Variants in USP40 observed in about 807,000 individuals in gnomAD.
The protein encoded by USP40 is ubiquitin specific peptidase 40, also known as ubiquitin carboxyl-terminal hydrolase 40.
A neutral mutation model predicts 166.2 loss-of-function variants in USP40; 143 were observed. The observed-to-expected ratio is 0.86, with a 90% CI of 0.75 to 0.99. The LOEUF (loss-of-function observed/expected upper bound fraction) is 0.99, where lower values mean the gene tolerates loss of function less well. USP40 is among the 50% of genes least tolerant of loss of function. The pLI is 0.00. For synonymous variants in USP40, 498 were observed against 524.0 expected, an observed-to-expected ratio of 0.95 and a Z score of 0.68; for missense variants, 1,444 against 1,479.7, an observed-to-expected ratio of 0.98 and a Z score of 0.40.
chr2:233,540,895 A>T (rs545906294), intron 9 of USP40, 126 bp from the exon 10 acceptor site: 1 of 479,764 alleles, frequency 2.1e-6, no homozygotes, highest in Non-Finnish European at 3.5e-6. Context: ...ACGTAAGTTG[A>T]TTCCATCATA....
intron 4 of USP40, among the ~76,000 whole-genome samples, chr2:233,557,328 A>G (rs529592976): frequency 1.3e-5 from 2 of 152,372 alleles, no homozygotes; most frequent in East Asian, 3.9e-4. Context: ...GCAGAGAGGG[A>G]TATACCAGGC....
chr2:233,557,017 T>A lies in USP40; in HGVS notation c.384A>T (p.Glu128Asp). 6.2e-7 allele frequency: 1 copy of A among 1,609,046 alleles called. No individual in the cohort carries two copies. The highest frequency in any genetic ancestry group is 8.5e-7 in the Non-Finnish European group (1 of 1,178,568). Residue 128 changes from glutamate to aspartate, a missense_variant and splice_region_variant, in exon 5 of 32, where the codon GAA becomes GAT. By Grantham distance (45) the Glu-to-Asp change is conservative. Coordinates refer to ENST00000678225, the MANE Select transcript of USP40 (RefSeq NM_001365479.2). ...TDSFGWTSNE[E>D]MRQHDVQELN... ...GTTCCTGCACATCATGTTGCCTCAT[T>A]TCCTACAAAACAGGTAACTTTTAGA...
chr2:233,529,633 T>C (rs2068333555), intron 11 of USP40, 121 bp from the exon 12 acceptor site: 1 of 565,692 alleles, frequency 1.8e-6, no homozygotes, highest in Non-Finnish European at 3.0e-6. Context: ...TAATTAGCTG[T>C]GTGAATACGA....
rs1480083306 is a variant in USP40, at chr2:233,566,634, C to T, written c.-20+50G>A. On this transcript the variant is annotated intron_variant, in intron 1 of 31. Transcript: ENST00000678225. ...TCAGACTGGGCCACCAACACTGTCC[C>T]TACGCTTCCCACGTCCCTCCCAGGA... The T allele has an allele frequency of 4.1e-6, 4 of 964,546 alleles. No individual in the cohort carries two copies. In the East Asian group the frequency reaches 4.6e-4, roughly 110 times the overall value. 59.7% of individuals were successfully genotyped at this position (964,546 alleles called of 1,614,324 possible).
At chr2:233,507,623 A>G (rs1255159856) in intron 21 of USP40, among the ~76,000 whole-genome samples, 1 of 152,086 alleles carries the variant, frequency 6.6e-6, no homozygotes, top group Admixed American at 6.6e-5. Context: ...AATCTTAAAA[A>G]AAAAAAAAAA....
chr2:233,555,896 T>C (rs1225425073), intron 5 of USP40, among the ~76,000 whole-genome samples: 4 of 151,988 alleles, frequency 2.6e-5, no homozygotes, highest in South Asian at 4.2e-4. Context: ...GGGCAGATCA[T>C]GAGGTCAGGA....
At chr2:233,484,452 T>C (rs1425740280) in intron 30 of USP40, among the ~76,000 whole-genome samples, 2 of 152,030 alleles carry the variant, frequency 1.3e-5, no homozygotes, top group East Asian at 3.9e-4. Flanking sequence ...TAATCATTTA[T>C]CTGTGTAGTC....
chr2:233,482,582 G>GTT (rs1203339243), intron 30 of USP40, among the ~76,000 whole-genome samples: 9 of 136,998 alleles, frequency 6.6e-5, no homozygotes, highest in South Asian at 2.3e-4. Flanking sequence ...TCCCACTGGA[G>GTT]TTTTTTTTTT....
At chr2:233,477,977 G>A (rs940719346) in intron 31 of USP40, among the ~76,000 whole-genome samples, 1 of 152,216 alleles carries the variant, frequency 6.6e-6, no homozygotes, top group Non-Finnish European at 1.5e-5. Context: ...GACCCCCCCG[G>A]CCCATGGCAC....
At position 233,519,647 on chromosome 2, in the gene USP40, C is replaced by T. The variant is rs1182951453; in HGVS notation, c.2350G>A (p.Ala784Thr). The change falls in exon 18 of 32, where the codon GCC (alanine) becomes ACC (threonine). Residue 784 changes from alanine (A) to threonine (T), a missense_variant. Coordinates refer to ENST00000678225, the MANE Select transcript of USP40 (RefSeq NM_001365479.2). ...TTCATTAATTTTAATTCCTTTATGGCTTTAATTCGAATATCAAACACCATC... is the reference window on the plus strand; with the variant it reads ...TTCATTAATTTTAATTCCTTTATGGTTTTAATTCGAATATCAAACACCATC... ...NTMVFDIRIK[A>T]IKELKLMKEL... The T allele has an allele frequency of 7.0e-7, 1 of 1,430,130 alleles. No homozygotes were observed. Among genetic ancestry groups the T allele is most frequent in the Non-Finnish European group, 9.6e-7 (1 of 1,043,396 alleles). The allele number at this position is 1,430,130 out of a possible 1,614,324, so 88.6% of individuals were successfully genotyped here. A position where few individuals can be genotyped will look rare whatever the true frequency, so the allele number is the denominator to read the frequency against.
At chr2:233,498,710 C>A in intron 22 of USP40, 98 bp from the exon 23 acceptor site, 10 of 973,220 alleles carry the variant, frequency 1.0e-5, no homozygotes, top group Non-Finnish European at 1.6e-5. Flanking sequence ...AGCACCTTAA[C>A]TTCCTTTCCA....
At chr2:233,540,859 A>G in intron 9 of USP40, 90 bp from the exon 10 acceptor site, 1 of 799,080 alleles carries the variant, frequency 1.3e-6, no homozygotes, top group South Asian at 1.8e-5. Context: ...GATTATACCT[A>G]ATTAAATATG....
intron 5 of USP40, among the ~76,000 whole-genome samples, chr2:233,555,931 G>A (rs974017471): frequency 2.7e-4 from 41 of 151,734 alleles, no homozygotes; most frequent in Non-Finnish European, 4.4e-4. Flanking sequence ...TGGCTAACAT[G>A]GTGAAACCCC....
In USP40 at chr2:233,542,378, A is replaced by T. The variant is rs369886009; in HGVS notation, c.967-15T>A. ...CTTTTTTCCTCCTAGGAAGGAAAAC[A>T]GTATGAGTTTCTATCACTAACCCCT... On this transcript the variant is annotated splice_polypyrimidine_tract_variant and intron_variant, in intron 8 of 31. Coordinates refer to ENST00000678225, the MANE Select transcript of USP40 (RefSeq NM_001365479.2). 154 of 1,473,450 alleles carry T rather than the reference A, an allele frequency of 1.0e-4. 1 individual carries two copies. The highest frequency in any genetic ancestry group is 1.4e-4 in the Non-Finnish European group (150 of 1,083,838). The allele number at this position is 1,473,450 out of a possible 1,614,324, so 91.3% of individuals were successfully genotyped here. A position where few individuals can be genotyped will look rare whatever the true frequency, so the allele number is the denominator to read the frequency against.
chr2:233,550,946 T>A (rs76801830), intron 7 of USP40, among the ~76,000 whole-genome samples: 1,940 of 152,316 alleles, frequency 0.013, 39 homozygotes, highest in East Asian at 0.083. Flanking sequence ...AGGGTAAACT[T>A]CTAATTTTGT....
chr2:233,476,325 G>C lies in USP40; in HGVS notation c.*1067C>G, dbSNP rs975879748. On this transcript the variant is annotated 3_prime_UTR_variant, in exon 32 of 32. Coordinates refer to ENST00000678225, the MANE Select transcript of USP40 (RefSeq NM_001365479.2). ...CATGCGACACCGTCTTCGGGATGCTGCTTTCCGCTAAGCTGCTGTCTGGGA... is the reference window on the plus strand; with the variant it reads ...CATGCGACACCGTCTTCGGGATGCTCCTTTCCGCTAAGCTGCTGTCTGGGA... The C allele has an allele frequency of 2.0e-5, 3 of 152,364 alleles. No homozygotes were observed. Among genetic ancestry groups the C allele is most frequent in the Non-Finnish European group, 4.4e-5 (3 of 68,038 alleles). The allele number at this position is 152,364 out of a possible 1,614,324, so 9.4% of individuals were successfully genotyped here.
At position 233,510,120 on chromosome 2, in the gene USP40, C is replaced by T. The variant is rs2066704169; in HGVS notation, c.2542G>A (p.Ala848Thr). ...CCAGGTTGAACGTCACTCCCCATTG[C>T]AAAAAACAGGAACAACTAATAACAA... ...PSSSQLFLFF[A>T]MGSDVQPGTE... The change falls in exon 21 of 32, where the codon GCA (alanine) becomes ACA (threonine). Residue 848 changes from alanine to threonine, a missense_variant. By Grantham distance (58) the Ala-to-Thr change is moderately conservative (BLOSUM62 0). Coordinates refer to ENST00000678225, the MANE Select transcript of USP40 (RefSeq NM_001365479.2). The T allele has an allele frequency of 6.2e-7, 1 of 1,601,014 alleles. No homozygotes were observed. Among genetic ancestry groups the T allele is most frequent in the Non-Finnish European group, 8.5e-7 (1 of 1,173,438 alleles).
At chr2:233,557,858 T>C (rs2071235734) in intron 4 of USP40, among the ~76,000 whole-genome samples, 1 of 151,950 alleles carries the variant, frequency 6.6e-6, no homozygotes, top group Non-Finnish European at 1.5e-5. Flanking sequence ...ATTTCAAAAA[T>C]AAGTTTCAAC....
At chr2:233,551,150 GA>G (rs1430780452) in intron 7 of USP40, among the ~76,000 whole-genome samples, 1 of 152,208 alleles carries the variant, frequency 6.6e-6, no homozygotes, top group African/African-American at 2.4e-5. Context: ...ACAACTGAGA[GA>G]GGGGGAGTGA....
Sources: allele counts gnomAD v4.1 joint callset (sites outside exome capture counted in the v4.1 genomes callset), GRCh38; gene constraint gnomAD v4.1.1; transcripts MANE v1.5; gene names NCBI Gene and HGNC (gene_info 2026-07-23, HGNC 2026-07-21).